XPO7: variants seen among roughly 807,000 people sequenced by gnomAD.
XPO7 encodes the protein exportin-7.
A neutral mutation model predicts 144.3 loss-of-function variants in XPO7; 21 were observed. The observed-to-expected ratio is 0.15, with a 90% CI of 0.10 to 0.21. The LOEUF (loss-of-function observed/expected upper bound fraction) is 0.21, where lower values mean the gene tolerates loss of function less well. Among genes scored for constraint, XPO7 ranks in the 10% least tolerant of loss-of-function variants. The pLI, the probability that XPO7 is intolerant of heterozygous loss-of-function variation, is 1.00. For missense variants in XPO7, 808 were observed against 1,325.8 expected (o/e 0.61, Z 6.06); for synonymous variants, 580 against 499.6 (o/e 1.16, Z -2.15).
chr8:21,941,734 G>A (rs28640935), intron 1 of XPO7, among the ~76,000 whole-genome samples: 30,300 of 151,964 alleles, frequency 0.2, 4,236 homozygotes, highest in African/African-American at 0.4. Flanking sequence ...AGGTATTTTC[G>A]TTTGTTTGTT....
chr8:21,966,798 A>C, intron 1 of XPO7, 59 bp from the exon 2 acceptor site: 1 of 1,542,098 alleles, frequency 6.5e-7, no homozygotes, highest in South Asian at 1.3e-5. Context: ...AATTTTAAGC[A>C]CAGTTGCTTA....
intron 10 of XPO7, 95 bp from the exon 11 acceptor site, chr8:21,982,545 A>AC: frequency 7.0e-7 from 1 of 1,420,582 alleles, no homozygotes; most frequent in Non-Finnish European, 9.3e-7. Flanking sequence ...TTTTTTTAAA[A>AC]AAAAGAAAAA....
At chr8:21,951,284 T>C (rs535984960) in intron 1 of XPO7, among the ~76,000 whole-genome samples, 6 of 152,046 alleles carry the variant, frequency 3.9e-5, no homozygotes, top group Admixed American at 3.9e-4. Context: ...TTTAAACCTA[T>C]GAGGCCTACC....
Position 21,974,753 on chromosome 8 carries a change from T to C in XPO7, c.576T>C (p.Leu192=). ...RDSSLFDIFT[L]SCNLLKQASG... Reference sequence around the variant, plus strand: ...CATCATTATTTGATATCTTCACACTTTCCTGCAATTTACTAAAACAGGTGA... The same window carrying C: ...CATCATTATTTGATATCTTCACACTCTCCTGCAATTTACTAAAACAGGTGA... The change falls in exon 6 of 28, where the codon CTT becomes CTC. Residue 192 remains leucine (L), a synonymous_variant. Transcript: ENST00000252512. 1 of 1,575,638 alleles carries C rather than the reference T, an allele frequency of 6.3e-7. No homozygotes were observed. Among genetic ancestry groups the C allele is most frequent in the Admixed American group, 1.9e-5 (1 of 53,604 alleles).
At chr8:21,996,830 C>T (rs1039910985) in intron 21 of XPO7, among the ~76,000 whole-genome samples, 2 of 151,620 alleles carry the variant, frequency 1.3e-5, no homozygotes, top group East Asian at 1.9e-4. Context: ...ATGTTTGATC[C>T]GGAGTTTCTC....
chr8:21,922,047 A>G (rs1810306200), intron 1 of XPO7, among the ~76,000 whole-genome samples: 1 of 152,086 alleles, frequency 6.6e-6, no homozygotes, highest in South Asian at 2.1e-4. Context: ...TGGCGGGGAT[A>G]TTTTTCTTAT....
intron 1 of XPO7, among the ~76,000 whole-genome samples, chr8:21,942,022 A>G (rs953456498): frequency 3.3e-5 from 5 of 152,230 alleles, no homozygotes; most frequent in African/African-American, 4.8e-5. Context: ...GGTAATGGTT[A>G]CTTAACATCA....
At chr8:22,001,427 T>TA (rs769587433) in intron 24 of XPO7, among the ~76,000 whole-genome samples, 7 of 152,258 alleles carry the variant, frequency 4.6e-5, no homozygotes, top group Admixed American at 3.9e-4. Flanking sequence ...CCTTTGGCCT[T>TA]ACCTCATCAG....
intron 1 of XPO7, among the ~76,000 whole-genome samples, chr8:21,958,695 A>T (rs893668533): frequency 6.2e-5 from 1 of 16,064 alleles, no homozygotes; most frequent in Non-Finnish European, 1.1e-4. Context: ...ATGGTTGCGC[A>T]TGCCTATAAT....
intron 3 of XPO7, 114 bp from the exon 4 acceptor site, chr8:21,970,030 A>C: frequency 1.6e-6 from 2 of 1,233,700 alleles, no homozygotes; most frequent in South Asian, 1.5e-5. Context: ...GTTTGGGTTA[A>C]ATAGTCTAAA....
At position 22,006,142 on chromosome 8, in the gene XPO7, GAGGAAGTTACTAC is replaced by G. The variant is rs1813323225; in HGVS notation, c.*1057_*1069del. 1 of 152,176 alleles carries G rather than the reference GAGGAAGTTACTAC, an allele frequency of 6.6e-6. No homozygotes were observed. Among genetic ancestry groups the G allele is most frequent in the Non-Finnish European group, 1.5e-5 (1 of 68,022 alleles). 9.4% of individuals were successfully genotyped at this position (152,176 alleles called of 1,614,324 possible). ...CCTGCACTCATGAATGTATGAACTG[GAGGAAGTTACTAC>G]AGTGGAAGGGTTCTTAATAACAAGG... On this transcript the variant is annotated 3_prime_UTR_variant, in exon 28 of 28. Transcript: ENST00000252512.
chr8:21,938,795 A>G (rs1440640260), intron 1 of XPO7, among the ~76,000 whole-genome samples: 1 of 152,178 alleles, frequency 6.6e-6, no homozygotes, highest in East Asian at 1.9e-4. Flanking sequence ...AAAATGTCAT[A>G]GAGAACTCAT....
Position 21,999,289 on chromosome 8 carries a change from C to T in XPO7, c.2627C>T (p.Pro876Leu). 6.2e-7 allele frequency: 1 copy of T among 1,612,968 alleles called. No homozygotes were observed. The highest frequency in any genetic ancestry group is 8.5e-7 in the Non-Finnish European group (1 of 1,179,870). The change falls in exon 23 of 28, where the codon CCT becomes CTT. Residue 876 changes from proline to leucine, a missense_variant. Pro to Leu is a moderately conservative substitution (Grantham distance 98). This residue lies in a region of XPO7 where 416 missense variants were observed against 612.5 expected (regional missense o/e 0.68). Coordinates refer to ENST00000252512, the MANE Select transcript of XPO7 (RefSeq NM_015024.5). ...QTFIKLLLSI[P>L]HSDLLDYPKL... ...TTCATCAAGCTGCTCCTCTCTATTC[C>T]TCACAGTGATCTCTTGGTAAGCCTT...
chr8:22,005,142 G>T lies in XPO7; in HGVS notation c.*54G>T. 22 of 1,466,678 alleles carry T rather than the reference G, an allele frequency of 1.5e-5. No individual in the cohort carries two copies. The South Asian group carries it at 2.4e-4, about 16-fold the overall frequency. The allele number at this position is 1,466,678 out of a possible 1,614,324, so 90.9% of individuals were successfully genotyped here. On this transcript the variant is annotated 3_prime_UTR_variant, in exon 28 of 28. Coordinates refer to ENST00000252512, the MANE Select transcript of XPO7 (RefSeq NM_015024.5). ...CAGCGTCCCTTTGGTTTGGCCCAGA[G>T]GGGCGAACAATTGCAAGGGAGAGGG... is the stretch of plus-strand genomic sequence containing the variant.
In XPO7 at chr8:21,980,105, A is replaced by G. The variant is rs369101261; in HGVS notation, c.859A>G (p.Ile287Val). The G allele has an allele frequency of 4.4e-6, 7 of 1,600,242 alleles. No homozygotes were observed. Among genetic ancestry groups the G allele is most frequent in the Non-Finnish European group, 6.0e-6 (7 of 1,172,570 alleles). ...SPLVLSCLVQ[I>V]ASVRRSLFNN... ...TTAGGTATTATCCTGCTTGGTACAG[A>G]TCGCTTCAGTCAGAAGATCCCTGTT... is the stretch of plus-strand genomic sequence containing the variant. The change falls in exon 9 of 28, where the codon ATC becomes GTC. Residue 287 changes from isoleucine to valine, a missense_variant. Ile to Val is a conservative substitution (Grantham distance 29). Coordinates refer to ENST00000252512, the MANE Select transcript of XPO7 (RefSeq NM_015024.5).
At chr8:21,940,592 C>T (rs1810958792) in intron 1 of XPO7, among the ~76,000 whole-genome samples, 2 of 151,932 alleles carry the variant, frequency 1.3e-5, no homozygotes, top group Admixed American at 1.3e-4. Flanking sequence ...GTCTTAGCCT[C>T]CCAGTAGCTG....
rs536093077 is a variant in XPO7 at position 21,991,347 on chromosome 8, T to C, written c.2041+428T>C. ...ATCACTTTTGTAGCAGTAGTGGTGA[T>C]ATTAGCAGTTTCAGGTCAGTTAATA... On this transcript the variant is annotated intron_variant, in intron 18 of 27. Transcript: ENST00000252512. 5.3e-5 allele frequency among the ~76,000 whole-genome samples: 8 copies of C among 152,330 alleles called. No homozygotes were observed. In the South Asian group the frequency reaches 1.0e-3, roughly 20 times the overall value.
intron 16 of XPO7, among the ~76,000 whole-genome samples, chr8:21,989,999 G>A (rs1287461830): frequency 2.0e-5 from 3 of 151,128 alleles, no homozygotes; most frequent in East Asian, 1.9e-4. Context: ...ACAGGCACCC[G>A]CCACCATGCC....
chr8:21,930,324 A>G (rs759418727), intron 1 of XPO7, among the ~76,000 whole-genome samples: 3 of 152,290 alleles, frequency 2.0e-5, no homozygotes, highest in African/African-American at 4.8e-5. Context: ...TTGTTAGGCA[A>G]TGGGAATATA....
Sources: allele counts gnomAD v4.1 joint callset (sites outside exome capture counted in the v4.1 genomes callset), GRCh38; gene constraint gnomAD v4.1.1; regional missense constraint gnomAD v4.1.1; transcripts MANE v1.5; gene names NCBI Gene and HGNC (gene_info 2026-07-23, HGNC 2026-07-21).